The following COMMD10 variants were observed in gnomAD, a reference collection of about 807,000 sequenced individuals.
COMMD10 encodes the protein COMM domain containing 10.
Under a neutral mutation model 28.9 loss-of-function variants are expected in COMMD10, and 33 were observed. The observed-to-expected ratio is 1.14, with a 90% CI of 0.87 to 1.53. The LOEUF (loss-of-function observed/expected upper bound fraction) is 1.53. Among genes scored for constraint, COMMD10 ranks in the 40% most tolerant of loss-of-function variants. The pLI is 0.00. For synonymous variants in COMMD10, 110 were observed against 81.7 expected (o/e 1.35, Z -1.87); for missense variants, 310 against 233.4 (o/e 1.33, Z -2.14).
chr5:116,194,986 A>C (rs1467710165), intron 5 of COMMD10, among the ~76,000 whole-genome samples: 1 of 152,178 alleles, frequency 6.6e-6, no homozygotes, highest in Non-Finnish European at 1.5e-5. Context: ...TGGGTTTCAC[A>C]CCAGGGATGC....
At chr5:116,225,590 A>G (rs1157963907) in intron 5 of COMMD10, among the ~76,000 whole-genome samples, 2 of 151,992 alleles carry the variant, frequency 1.3e-5, no homozygotes, top group Non-Finnish European at 2.9e-5. Context: ...CCCCTTGTAT[A>G]TGCACAGTGT....
chr5:116,110,385 A>C (rs911587947), intron 4 of COMMD10, among the ~76,000 whole-genome samples: 19 of 152,124 alleles, frequency 1.2e-4, no homozygotes, highest in Middle Eastern at 3.2e-3. Context: ...CTGGAGAATG[A>C]GTTAGGGAGA....
intron 2 of COMMD10, among the ~76,000 whole-genome samples, chr5:116,088,203 G>T (rs1403116108): frequency 6.6e-6 from 1 of 152,176 alleles, no homozygotes; most frequent in Non-Finnish European, 1.5e-5. Context: ...GCAGTGCCAT[G>T]TATCACCATC....
chr5:116,282,464 AT>A (rs1751097043), intron 5 of COMMD10, among the ~76,000 whole-genome samples: 1 of 151,942 alleles, frequency 6.6e-6, no homozygotes, highest in Non-Finnish European at 1.5e-5. Flanking sequence ...TATCACTCTT[AT>A]ATCTAAAACT....
chr5:116,254,799 A>T (rs895591873), intron 5 of COMMD10, among the ~76,000 whole-genome samples: 3 of 151,650 alleles, frequency 2.0e-5, no homozygotes, highest in Non-Finnish European at 4.4e-5. Flanking sequence ...AGAGTTCTGT[A>T]GATGTCTATT....
intron 5 of COMMD10, among the ~76,000 whole-genome samples, chr5:116,251,906 A>T (rs1489740837): frequency 1.3e-5 from 2 of 151,270 alleles, no homozygotes; most frequent in African/African-American, 2.5e-5. Flanking sequence ...TGACAGTCCC[A>T]CCAACAATGT....
intron 5 of COMMD10, among the ~76,000 whole-genome samples, chr5:116,271,296 T>G (rs1450490720): frequency 6.8e-6 from 1 of 147,020 alleles, no homozygotes; most frequent in African/African-American, 2.5e-5. Context: ...TTTTATATAT[T>G]TAATATATAA....
intron 5 of COMMD10, among the ~76,000 whole-genome samples, chr5:116,274,977 A>G (rs1229989762): frequency 6.6e-6 from 1 of 151,702 alleles, no homozygotes; most frequent in Non-Finnish European, 1.5e-5. Context: ...GGTATTTTCT[A>G]CATGCTTATC....
intron 4 of COMMD10, among the ~76,000 whole-genome samples, chr5:116,126,946 G>A (rs1053270594): frequency 6.6e-6 from 1 of 152,160 alleles, no homozygotes; most frequent in East Asian, 1.9e-4. Context: ...AAACTAAAGA[G>A]CTTCTGCACA....
intron 5 of COMMD10, among the ~76,000 whole-genome samples, chr5:116,242,440 T>C (rs1384000336): frequency 1.3e-5 from 2 of 152,210 alleles, no homozygotes; most frequent in African/African-American, 4.8e-5. Context: ...AACAGTTATC[T>C]TAGGAAATCC....
chr5:116,259,981 T>A (rs1750397079), intron 5 of COMMD10, among the ~76,000 whole-genome samples: 1 of 151,766 alleles, frequency 6.6e-6, no homozygotes, highest in South Asian at 2.1e-4. Context: ...TCTCCTCTGA[T>A]TTGTGTTTGT....
intron 4 of COMMD10, among the ~76,000 whole-genome samples, chr5:116,131,305 A>G (rs574261561): frequency 9.2e-4 from 140 of 152,100 alleles, no homozygotes; most frequent in African/African-American, 3.1e-3. Context: ...AGCTAGGGTA[A>G]TGTTTACTCA....
intron 5 of COMMD10, among the ~76,000 whole-genome samples, chr5:116,166,019 C>T (rs1425812200): frequency 6.6e-6 from 1 of 152,092 alleles, no homozygotes; most frequent in Non-Finnish European, 1.5e-5. Context: ...GTGGCAGACT[C>T]ACTAAGAGTG....
intron 6 of COMMD10, 29 bp from the exon 7 acceptor site, chr5:116,292,422 T>C: frequency 1.4e-6 from 2 of 1,416,330 alleles, no homozygotes; most frequent in Non-Finnish European, 1.9e-6. Context: ...TTCACTAACG[T>C]CTTTTTTTTT....
intron 5 of COMMD10, among the ~76,000 whole-genome samples, chr5:116,149,527 G>T (rs1437806700): frequency 6.9e-6 from 1 of 144,096 alleles, no homozygotes; most frequent in Non-Finnish European, 1.5e-5. Flanking sequence ...GTTGTTTCCT[G>T]ACTTTTTAAT....
intron 5 of COMMD10, among the ~76,000 whole-genome samples, chr5:116,257,208 T>TA (rs58464158): frequency 0.26 from 39,310 of 151,382 alleles, 7,025 homozygotes; most frequent in African/African-American, 0.5. Flanking sequence ...TAAGGCCACT[T>TA]ACGGAATTTT....
At chr5:116,260,932 T>G (rs572451911) in intron 5 of COMMD10, among the ~76,000 whole-genome samples, 3 of 151,802 alleles carry the variant, frequency 2.0e-5, no homozygotes, top group Middle Eastern at 3.2e-3. Context: ...TGAAGCAACA[T>G]GTTCTCTTTG....
intron 4 of COMMD10, among the ~76,000 whole-genome samples, chr5:116,105,687 G>A (rs1157592381): frequency 6.6e-6 from 1 of 152,108 alleles, no homozygotes; most frequent in Non-Finnish European, 1.5e-5. Flanking sequence ...TTAGTGTTGG[G>A]CAGGTGTATG....
chr5:116,244,297 A>G (rs958682539), intron 5 of COMMD10, among the ~76,000 whole-genome samples: 1 of 152,104 alleles, frequency 6.6e-6, no homozygotes, highest in Non-Finnish European at 1.5e-5. Context: ...GATACACTCC[A>G]TGTTTATTCC....
Sources: gnomAD v4.1 joint callset for allele counts (sites outside exome capture counted in the v4.1 genomes callset) on GRCh38, gnomAD v4.1.1 for gene constraint, MANE v1.5 for transcripts, NCBI Gene and HGNC (gene_info 2026-07-23, HGNC 2026-07-21) for gene names.